SYT1: variants seen among roughly 807,000 people sequenced by gnomAD.
The protein encoded by SYT1 is synaptotagmin 1.
A neutral mutation model predicts 44.8 loss-of-function variants in SYT1; 8 were observed. The ratio of observed to expected loss-of-function variants is 0.18; its 90% CI spans 0.10 to 0.32. The LOEUF (loss-of-function observed/expected upper bound fraction) is 0.32, where lower values mean the gene tolerates loss of function less well. Ranked by LOEUF, SYT1 falls within the 10% of genes least tolerant of loss-of-function variation. SYT1 has a pLI of 1.00. For missense variants in SYT1, 286 were observed against 509.3 expected, an observed-to-expected ratio of 0.56 and a Z score of 4.22; for synonymous variants, 154 against 188.8, an observed-to-expected ratio of 0.82 and a Z score of 1.51.
At chr12:79,064,713 G>A (rs990658442) in intron 3 of SYT1, among the ~76,000 whole-genome samples, 4 of 151,580 alleles carry the variant, frequency 2.6e-5, no homozygotes, top group Non-Finnish European at 4.4e-5. Flanking sequence ...GTGTTGGGGG[G>A]TATGATTTTT....
chr12:78,973,948 T>A (rs367754334), intron 1 of SYT1, among the ~76,000 whole-genome samples: 455 of 11,536 alleles, frequency 0.039, 11 homozygotes, highest in African/African-American at 0.081. Flanking sequence ...AATATATATA[T>A]ATATATATAT....
intron 1 of SYT1, among the ~76,000 whole-genome samples, chr12:78,923,709 C>CTGTG (rs71091636): frequency 0.16 from 23,434 of 151,060 alleles, 2,189 homozygotes; most frequent in East Asian, 0.34. Flanking sequence ...CTCTCTCTCT[C>CTGTG]TGTGTGTGTG....
chr12:79,417,938 T>A (rs1868854478), intron 9 of SYT1, among the ~76,000 whole-genome samples: 1 of 152,096 alleles, frequency 6.6e-6, no homozygotes, highest in Non-Finnish European at 1.5e-5. Flanking sequence ...TTCTAATCAG[T>A]TCCCAGGCAA....
intron 3 of SYT1, among the ~76,000 whole-genome samples, chr12:79,143,515 G>A (rs1869692997): frequency 6.6e-6 from 1 of 152,182 alleles, no homozygotes; most frequent in South Asian, 2.1e-4. Flanking sequence ...TGGGTGCTCA[G>A]CCCTGATGGG....
intron 3 of SYT1, among the ~76,000 whole-genome samples, chr12:79,098,041 C>G (rs1257252898): frequency 6.6e-6 from 1 of 152,074 alleles, no homozygotes; most frequent in Non-Finnish European, 1.5e-5. Flanking sequence ...CCTAGTCTCT[C>G]TGGGCTTATG....
intron 1 of SYT1, among the ~76,000 whole-genome samples, chr12:78,871,487 C>T (rs1873817658): frequency 6.6e-6 from 1 of 151,892 alleles, no homozygotes; most frequent in South Asian, 2.1e-4. Flanking sequence ...GGACATGGTC[C>T]TTGCTTAGCT....
In SYT1 at chr12:79,122,371, G is replaced by A. The variant is rs1265114497; in HGVS notation, c.-18+75009G>A. ...CTACTAAAAATACAAAAAATTAGCC[G>A]GGCGTGGTAGCGGGCGCCTGTAGTC... On this transcript the variant is annotated intron_variant, in intron 3 of 10. Coordinates refer to ENST00000261205, the MANE Select transcript of SYT1 (RefSeq NM_005639.3). 4.7e-5 allele frequency among the ~76,000 whole-genome samples: 7 copies of A among 150,106 alleles called. No homozygotes were observed. The East Asian group carries it at 7.8e-4, about 17-fold the overall frequency.
chr12:79,384,651 C>G (rs970555797), intron 9 of SYT1, among the ~76,000 whole-genome samples: 1 of 152,162 alleles, frequency 6.6e-6, no homozygotes, highest in East Asian at 1.9e-4. Flanking sequence ...TTTTGACACT[C>G]TCACCTGGGA....
At chr12:79,007,090 C>A (rs1871141172) in intron 2 of SYT1, among the ~76,000 whole-genome samples, 1 of 151,996 alleles carries the variant, frequency 6.6e-6, no homozygotes, top group South Asian at 2.1e-4. Context: ...CATTTTTCAG[C>A]AAAAGGGCCA....
chr12:79,204,346 CTG>C (rs1265672347), intron 3 of SYT1, among the ~76,000 whole-genome samples: 1 of 152,224 alleles, frequency 6.6e-6, no homozygotes, highest in African/African-American at 2.4e-5. Context: ...TTTTGCTTCA[CTG>C]TGTGACAAAA....
intron 3 of SYT1, among the ~76,000 whole-genome samples, chr12:79,083,473 G>A (rs1273015109): frequency 2.6e-5 from 4 of 152,002 alleles, no homozygotes; most frequent in African/African-American, 9.7e-5. Context: ...CTTTGTAAAG[G>A]TGAAACATAG....
chr12:79,358,129 G>T (rs980269040), intron 9 of SYT1, among the ~76,000 whole-genome samples: 2 of 152,078 alleles, frequency 1.3e-5, no homozygotes, highest in African/African-American at 4.8e-5. Context: ...AATTTGACAC[G>T]TCTGAGTACA....
intron 4 of SYT1, among the ~76,000 whole-genome samples, chr12:79,237,748 CTCA>C (rs1231967277): frequency 6.6e-6 from 1 of 152,156 alleles, no homozygotes; most frequent in Non-Finnish European, 1.5e-5. Context: ...AGACTTCATC[CTCA>C]TCATCACCAT....
At chr12:79,262,706 C>T (rs1337496055) in intron 4 of SYT1, among the ~76,000 whole-genome samples, 1 of 152,210 alleles carries the variant, frequency 6.6e-6, no homozygotes, top group East Asian at 1.9e-4. Flanking sequence ...CTCAACGCTT[C>T]TTCTCCAGGA....
chr12:79,424,244 GTAT>G (rs1869298499), intron 9 of SYT1, among the ~76,000 whole-genome samples: 2 of 151,978 alleles, frequency 1.3e-5, no homozygotes, highest in Admixed American at 1.3e-4. Context: ...ATGATTATCA[GTAT>G]TATGATGACC....
chr12:78,983,305 C>A (rs1248899470), intron 2 of SYT1, among the ~76,000 whole-genome samples: 3 of 151,968 alleles, frequency 2.0e-5, no homozygotes, highest in Non-Finnish European at 4.4e-5. Context: ...GTAAGTAATA[C>A]CAGAGTGGCT....
At chr12:79,448,848 A>C (rs1243824120) in intron 10 of SYT1, 70 bp from the exon 11 acceptor site, 1 of 1,416,546 alleles carries the variant, frequency 7.1e-7, no homozygotes, top group Non-Finnish European at 9.9e-7. Flanking sequence ...TTTAGCGCTC[A>C]AGGACGCTTT....
intron 2 of SYT1, among the ~76,000 whole-genome samples, chr12:78,984,087 G>A (rs1442641227): frequency 6.7e-6 from 1 of 149,786 alleles, no homozygotes; most frequent in Non-Finnish European, 1.5e-5. Context: ...CTTTATCTAG[G>A]GCAAATCTTA....
intron 3 of SYT1, among the ~76,000 whole-genome samples, chr12:79,155,468 G>A (rs1487694557): frequency 1.3e-5 from 2 of 152,064 alleles, no homozygotes; most frequent in African/African-American, 4.8e-5. Flanking sequence ...AAACATGCCT[G>A]AGTTTCTCTG....
Sources: allele counts gnomAD v4.1 joint callset (sites outside exome capture counted in the v4.1 genomes callset), GRCh38; gene constraint gnomAD v4.1.1; transcripts MANE v1.5; gene names NCBI Gene and HGNC (gene_info 2026-07-23, HGNC 2026-07-21).